Variants in ROBO2 observed in about 807,000 individuals in gnomAD.
ROBO2 encodes roundabout guidance receptor 2.
In ROBO2, 53 loss-of-function variants were observed where a neutral mutation model predicts 160.8. The observed-to-expected ratio is 0.33, with a 90% CI of 0.26 to 0.41. The LOEUF (loss-of-function observed/expected upper bound fraction) is 0.41, where lower values mean the gene tolerates loss of function less well. ROBO2 is among the 10% of genes least tolerant of loss of function. ROBO2 has a pLI of 1.00. For missense variants in ROBO2, 1,577 were observed against 1,722.4 expected, an observed-to-expected ratio of 0.92 and a Z score of 1.49; for synonymous variants, 664 against 611.7, an observed-to-expected ratio of 1.09 and a Z score of -1.26.
chr3:76,759,515 T>C (rs1338428013), intron 2 of ROBO2, among the ~76,000 whole-genome samples: 5 of 151,782 alleles, frequency 3.3e-5, no homozygotes, highest in African/African-American at 9.7e-5. Context: ...AGGTTGGCGA[T>C]ATGGCACAAC....
chr3:76,524,678 T>A (rs1368118936), intron 2 of ROBO2, among the ~76,000 whole-genome samples: 3 of 151,168 alleles, frequency 2.0e-5, no homozygotes, highest in African/African-American at 7.3e-5. Context: ...ATTAAAACAA[T>A]GTATGTATTG....
intron 2 of ROBO2, among the ~76,000 whole-genome samples, chr3:76,171,224 T>G (rs2073026125): frequency 6.6e-6 from 1 of 152,080 alleles, no homozygotes; most frequent in Non-Finnish European, 1.5e-5. Flanking sequence ...TTTTAACAAA[T>G]TTTCTAATTA....
At chr3:76,169,171 C>G (rs371257272) in intron 2 of ROBO2, among the ~76,000 whole-genome samples, 1 of 152,052 alleles carries the variant, frequency 6.6e-6, no homozygotes, top group Admixed American at 6.6e-5. Flanking sequence ...TTCTGCTGTT[C>G]CTCTGGTTCA....
intron 2 of ROBO2, among the ~76,000 whole-genome samples, chr3:76,878,724 A>G (rs1442081027): frequency 6.6e-6 from 1 of 152,158 alleles, no homozygotes; most frequent in Non-Finnish European, 1.5e-5. Context: ...CATTTAGCAC[A>G]CCAATGGTGT....
intron 2 of ROBO2, among the ~76,000 whole-genome samples, chr3:76,787,977 ATCT>A (rs199885976): frequency 0.019 from 2,861 of 151,574 alleles, 44 homozygotes; most frequent in Non-Finnish European, 0.029. Flanking sequence ...GTAAAAATAA[ATCT>A]AATGTTGAGA....
intron 6 of ROBO2, among the ~76,000 whole-genome samples, chr3:77,531,903 C>A (rs1407892067): frequency 6.6e-6 from 1 of 152,046 alleles, no homozygotes; most frequent in Non-Finnish European, 1.5e-5. Flanking sequence ...ATGTTTCCTG[C>A]ACCTGGCACT....
chr3:77,086,777 A>G (rs1261381228), intron 1 of ROBO2, among the ~76,000 whole-genome samples: 1 of 152,156 alleles, frequency 6.6e-6, no homozygotes, highest in Non-Finnish European at 1.5e-5. Context: ...TCTGGTCGTG[A>G]TTTAGCCATT....
intron 2 of ROBO2, among the ~76,000 whole-genome samples, chr3:76,993,653 GGAA>G (rs2060819465): frequency 6.6e-6 from 1 of 152,066 alleles, no homozygotes; most frequent in Non-Finnish European, 1.5e-5. Context: ...TACTCAAACA[GGAA>G]GAAGAAAAGG....
intron 2 of ROBO2, among the ~76,000 whole-genome samples, chr3:76,271,085 A>G (rs7612193): frequency 0.9 from 136,161 of 152,010 alleles, 61,421 homozygotes; most frequent in Middle Eastern, 0.98. Context: ...TGGTCCATCA[A>G]TCGGAAAGAT....
At chr3:77,199,619 C>A (rs994012702) in intron 2 of ROBO2, among the ~76,000 whole-genome samples, 2 of 134,810 alleles carry the variant, frequency 1.5e-5, no homozygotes, top group Non-Finnish European at 3.2e-5. Flanking sequence ...ACTCAGTCAC[C>A]ATTTTTTTTT....
chr3:76,175,996 A>G (rs1415487616), intron 2 of ROBO2, among the ~76,000 whole-genome samples: 1 of 151,848 alleles, frequency 6.6e-6, no homozygotes, highest in East Asian at 1.9e-4. Context: ...TCTTCTTTAT[A>G]GTTCTTAGTG....
intron 2 of ROBO2, among the ~76,000 whole-genome samples, chr3:77,421,896 A>G (rs1414226043): frequency 6.6e-6 from 1 of 152,192 alleles, no homozygotes; most frequent in Admixed American, 6.6e-5. Context: ...TCTGCTGTCT[A>G]AAAATGTTAT....
intron 2 of ROBO2, among the ~76,000 whole-genome samples, chr3:76,918,518 C>T (rs1231534039): frequency 2.0e-5 from 3 of 152,192 alleles, no homozygotes; most frequent in African/African-American, 4.8e-5. Context: ...AGGGGTTACA[C>T]ATCAGTAATA....
intron 2 of ROBO2, among the ~76,000 whole-genome samples, chr3:76,770,169 G>A (rs150892719): frequency 5.5e-4 from 83 of 151,428 alleles, no homozygotes; most frequent in African/African-American, 1.9e-3. Context: ...GGCATAATTC[G>A]ATAACAAAAT....
At chr3:77,123,511 A>G (rs974740698) in intron 2 of ROBO2, among the ~76,000 whole-genome samples, 8 of 152,116 alleles carry the variant, frequency 5.3e-5, no homozygotes, top group African/African-American at 1.9e-4. Context: ...TGAAATAGTT[A>G]CTAGAGCTTT....
At chr3:76,435,795 A>C (rs1477884292) in intron 2 of ROBO2, among the ~76,000 whole-genome samples, 2 of 152,192 alleles carry the variant, frequency 1.3e-5, no homozygotes, top group African/African-American at 2.4e-5. Context: ...ACAGATCAGA[A>C]TGTTCACACT....
chr3:77,296,958 T>A (rs1017029908), intron 2 of ROBO2, among the ~76,000 whole-genome samples: 2 of 152,322 alleles, frequency 1.3e-5, no homozygotes, highest in East Asian at 3.9e-4. Context: ...TTTTCTCGCA[T>A]ACTTTGACTT....
At chr3:77,138,841 G>C (rs2076481263) in intron 2 of ROBO2, among the ~76,000 whole-genome samples, 1 of 152,028 alleles carries the variant, frequency 6.6e-6, no homozygotes, top group Non-Finnish European at 1.5e-5. Context: ...CCAATTGCAG[G>C]CTTCCACACT....
intron 2 of ROBO2, among the ~76,000 whole-genome samples, chr3:76,972,184 A>T (rs2059603505): frequency 6.6e-6 from 1 of 152,104 alleles, no homozygotes; most frequent in African/African-American, 2.4e-5. Flanking sequence ...CAAAATCATG[A>T]TGAGTTTCCA....
Sources: gnomAD v4.1 joint callset for allele counts (sites outside exome capture counted in the v4.1 genomes callset) on GRCh38, gnomAD v4.1.1 for gene constraint, MANE v1.5 for transcripts, NCBI Gene and HGNC (gene_info 2026-07-23, HGNC 2026-07-21) for gene names.